The following DNAH7 variants were observed in gnomAD, a reference collection of about 807,000 sequenced individuals.
DNAH7 encodes dynein axonemal heavy chain 7.
DNAH7 carries 397 observed loss-of-function variants against 444.6 expected under a neutral mutation model. The ratio of observed to expected loss-of-function variants is 0.89; its 90% CI spans 0.82 to 0.97. The LOEUF (loss-of-function observed/expected upper bound fraction) is 0.97. Ranked by LOEUF, DNAH7 falls within the 50% of genes least tolerant of loss-of-function variation. The probability of loss-of-function intolerance (pLI) is 0.00; values close to 1 mark genes in which losing one functional copy is unlikely to be tolerated. For missense variants in DNAH7, 4,902 were observed against 4,800.8 expected (o/e 1.02, Z -0.62); for synonymous variants, 1,636 against 1,624.4 (o/e 1.01, Z -0.17).
Position 195,857,363 on chromosome 2 carries a change from T to A in DNAH7, c.8414+14A>T. On this transcript the variant is annotated intron_variant, in intron 44 of 64. Transcript: ENST00000312428. ...CAGACCATACCAGCTGGATTTCTTTTTATCAGCACTTACTTATCATATGAA... is the reference window on the plus strand; with the variant it reads ...CAGACCATACCAGCTGGATTTCTTTATATCAGCACTTACTTATCATATGAA... 6.5e-7 allele frequency: 1 copy of A among 1,533,268 alleles called. No homozygotes were observed. Among genetic ancestry groups the A allele is most frequent in the Non-Finnish European group, 8.7e-7 (1 of 1,145,924 alleles). 95.0% of individuals were successfully genotyped at this position (1,533,268 alleles called of 1,614,324 possible). A position where few individuals can be genotyped will look rare whatever the true frequency, so the allele number is the denominator to read the frequency against.
chr2:195,875,705 T>A lies in DNAH7; in HGVS notation c.6256A>T (p.Ile2086Phe). 6.2e-7 allele frequency: 1 copy of A among 1,604,922 alleles called. No individual in the cohort carries two copies. Among genetic ancestry groups the A allele is most frequent in the South Asian group, 1.1e-5 (1 of 88,628 alleles). Residue 2086 changes from isoleucine (I) to phenylalanine (F), a missense_variant, in exon 38 of 65, where the codon ATT (isoleucine) becomes TTT (phenylalanine). Ile to Phe is a conservative substitution (Grantham distance 21). Transcript: ENST00000312428. The part of the protein sequence containing the change: ...KDCSMIKLVD[I>F]QIMCAMGPPG... The stretch of plus-strand genomic sequence containing the variant: ...GGTCCCATAGCACACATGATCTGAA[T>A]GTCCACTAGTTTAATCATGGAACAA...
chr2:195,846,766 A>C (rs776971116), intron 46 of DNAH7, among the ~76,000 whole-genome samples: 1 of 152,058 alleles, frequency 6.6e-6, no homozygotes, highest in Non-Finnish European at 1.5e-5. Flanking sequence ...AAAAGGCTAG[A>C]CTGGCTTAGC....
Position 195,911,405 on chromosome 2 carries a change from A to G in DNAH7, c.3936-1210T>C, listed in dbSNP as rs1687350489. ...GAAAATTACTCAAAGAGATACAGAG[A>G]CTGAATGTAAGAAAAGTTAAGAGAC... On this transcript the variant is annotated intron_variant, in intron 24 of 64. Transcript: ENST00000312428. 3.9e-5 allele frequency among the ~76,000 whole-genome samples: 6 copies of G among 152,186 alleles called. No individual in the cohort carries two copies. In the South Asian group the frequency reaches 1.2e-3, roughly 32 times the overall value.
At chr2:195,863,331 G>A (rs1301492164) in intron 41 of DNAH7, among the ~76,000 whole-genome samples, 1 of 152,242 alleles carries the variant, frequency 6.6e-6, no homozygotes, top group Admixed American at 6.5e-5. Flanking sequence ...CGGGATCTCA[G>A]TCACAGCCCA....
intron 21 of DNAH7, among the ~76,000 whole-genome samples, chr2:195,931,627 AGCT>A: frequency 6.6e-6 from 1 of 152,100 alleles, no homozygotes; most frequent in African/African-American, 2.4e-5. Context: ...ATCCAGTTTC[AGCT>A]TTCTACATAT....
At chr2:195,925,139 A>T (rs920661489) in intron 22 of DNAH7, among the ~76,000 whole-genome samples, 11 of 148,590 alleles carry the variant, frequency 7.4e-5, no homozygotes, top group Non-Finnish European at 1.5e-4. Context: ...ATCTTTTTTT[A>T]TTTTTTTTTT....
intron 12 of DNAH7, chr2:195,994,796 G>T: frequency 2.2e-6 from 1 of 463,810 alleles, no homozygotes; most frequent in Admixed American, 2.8e-5. Flanking sequence ...AATAGTTTGA[G>T]GTCCAGGGTA....
At chr2:195,837,534 C>T (rs1698434543) in intron 47 of DNAH7, among the ~76,000 whole-genome samples, 1 of 152,164 alleles carries the variant, frequency 6.6e-6, no homozygotes, top group Non-Finnish European at 1.5e-5. Context: ...TTTCTATTTT[C>T]TGGCTTAGTG....
intron 64 of DNAH7, among the ~76,000 whole-genome samples, chr2:195,740,461 G>A (rs1692931105): frequency 1.3e-5 from 2 of 151,924 alleles, no homozygotes; most frequent in African/African-American, 4.8e-5. Context: ...TAACAAAAAT[G>A]TTGTGACCAA....
chr2:195,982,075 G>T (rs1027416056), intron 15 of DNAH7, among the ~76,000 whole-genome samples: 4 of 152,086 alleles, frequency 2.6e-5, no homozygotes, highest in Admixed American at 2.6e-4. Flanking sequence ...TCTGACGAAG[G>T]ATTAATAACC....
intron 46 of DNAH7, among the ~76,000 whole-genome samples, chr2:195,848,217 G>C (rs1434111855): frequency 6.6e-6 from 1 of 152,208 alleles, no homozygotes; most frequent in Non-Finnish European, 1.5e-5. Context: ...GTTTGCACAA[G>C]AAAGGGCATC....
At chr2:195,929,852 A>G (rs1220796045) in intron 21 of DNAH7, among the ~76,000 whole-genome samples, 2 of 152,254 alleles carry the variant, frequency 1.3e-5, no homozygotes, top group Non-Finnish European at 2.9e-5. Flanking sequence ...CAATTGCAAC[A>G]AAAACAAAAA....
chr2:195,775,184 C>T (rs891411493), intron 60 of DNAH7, among the ~76,000 whole-genome samples: 1 of 152,212 alleles, frequency 6.6e-6, no homozygotes, highest in African/African-American at 2.4e-5. Context: ...TTAAAATGTA[C>T]TGACCTGTGC....
chr2:195,994,140 T>A (rs764685209), intron 12 of DNAH7: 10 of 170,854 alleles, frequency 5.9e-5, no homozygotes, highest in Admixed American at 3.8e-4. Context: ...TACTTCATGA[T>A]AATTTCTTGG....
chr2:195,994,511 G>C (rs527795002), intron 12 of DNAH7: 18 of 487,368 alleles, frequency 3.7e-5, no homozygotes, highest in South Asian at 3.0e-4. Context: ...AATCCAAGTC[G>C]TTGGAATTGG....
chr2:195,976,062 T>G (rs1390979111), intron 15 of DNAH7, among the ~76,000 whole-genome samples: 1 of 152,202 alleles, frequency 6.6e-6, no homozygotes. Context: ...GACTCTGTCT[T>G]GCAGTTTAGA....
intron 10 of DNAH7, 102 bp downstream of exon 10, chr2:196,012,685 T>C: frequency 8.3e-7 from 1 of 1,209,464 alleles, no homozygotes; most frequent in Non-Finnish European, 1.2e-6. Context: ...TAGAAATGAT[T>C]TAAAACATTA....
intron 61 of DNAH7, among the ~76,000 whole-genome samples, chr2:195,770,058 C>T (rs1191151027): frequency 6.6e-6 from 1 of 152,178 alleles, no homozygotes; most frequent in African/African-American, 2.4e-5. Context: ...TTATCATTAA[C>T]TACTCTCTTG....
intron 36 of DNAH7, among the ~76,000 whole-genome samples, chr2:195,879,801 G>A (rs1701274563): frequency 6.6e-6 from 1 of 152,078 alleles, no homozygotes; most frequent in Admixed American, 6.5e-5. Context: ...ATCTTTAAAT[G>A]AGAAATAGCT....
Sources: gnomAD v4.1 joint callset for allele counts (sites outside exome capture counted in the v4.1 genomes callset) on GRCh38, gnomAD v4.1.1 for gene constraint, MANE v1.5 for transcripts, NCBI Gene and HGNC (gene_info 2026-07-23, HGNC 2026-07-21) for gene names.